Variants in PABPC4L observed in about 807,000 individuals in gnomAD.
PABPC4L encodes the protein polyadenylate-binding protein 4-like.
For missense variants in PABPC4L, 452 were observed against 451.4 expected, an observed-to-expected ratio of 1.00 and a Z score of -0.01; for synonymous variants, 169 against 164.1, an observed-to-expected ratio of 1.03 and a Z score of -0.23.
the PABPC4L span, among the ~76,000 whole-genome samples, chr4:133,963,061 G>A: frequency 1.3e-5 from 2 of 152,078 alleles, no homozygotes; most frequent in Non-Finnish European, 2.9e-5. Flanking sequence ...GAATGGATAA[G>A]AATTCACCAA....
the PABPC4L span, among the ~76,000 whole-genome samples, chr4:133,984,068 C>T: frequency 5.3e-5 from 8 of 151,818 alleles, 1 homozygote; most frequent in Admixed American, 4.6e-4. Context: ...GAAGTTAAAT[C>T]ATATTGTATT....
chr4:133,949,052 A>C, the PABPC4L span, among the ~76,000 whole-genome samples: 1 of 152,228 alleles, frequency 6.6e-6, no homozygotes, highest in African/African-American at 2.4e-5. Context: ...TCCTGGTCTA[A>C]AGTAGCTAGT....
chr4:134,090,788 G>T, the PABPC4L span, among the ~76,000 whole-genome samples: 1 of 151,680 alleles, frequency 6.6e-6, no homozygotes, highest in Non-Finnish European at 1.5e-5. Flanking sequence ...AAGGTGGGAG[G>T]GGTTGCTGCC....
the PABPC4L span, among the ~76,000 whole-genome samples, chr4:134,154,264 T>C: frequency 6.6e-6 from 1 of 152,130 alleles, no homozygotes; most frequent in Non-Finnish European, 1.5e-5. Context: ...GAGATCAGCC[T>C]GGGCAACACG....
chr4:134,190,535 T>A, the PABPC4L span, among the ~76,000 whole-genome samples: 1 of 152,110 alleles, frequency 6.6e-6, no homozygotes, highest in Non-Finnish European at 1.5e-5. Flanking sequence ...TCTTCAACAT[T>A]TTCTTTTCTA....
the PABPC4L span, among the ~76,000 whole-genome samples, chr4:134,034,160 A>G: frequency 6.6e-6 from 1 of 151,956 alleles, no homozygotes; most frequent in Non-Finnish European, 1.5e-5. Context: ...TGCAAAGTCT[A>G]CCTTGCCTGT....
At chr4:134,006,503 A>G in the PABPC4L span, among the ~76,000 whole-genome samples, 2 of 151,868 alleles carry the variant, frequency 1.3e-5, no homozygotes, top group African/African-American at 4.8e-5. Context: ...CTAGAAAGTG[A>G]GTGGGCAGCC....
chr4:133,961,564 A>T, the PABPC4L span, among the ~76,000 whole-genome samples: 2 of 152,182 alleles, frequency 1.3e-5, no homozygotes, highest in Non-Finnish European at 1.5e-5. Flanking sequence ...AATGGTCAGG[A>T]TATAAACCCC....
the PABPC4L span, among the ~76,000 whole-genome samples, chr4:134,095,560 T>A: frequency 6.6e-6 from 1 of 152,002 alleles, no homozygotes; most frequent in Non-Finnish European, 1.5e-5. Context: ...TGATCACATA[T>A]TGCATCCTTG....
the PABPC4L span, among the ~76,000 whole-genome samples, chr4:134,185,025 C>T: frequency 1.3e-5 from 2 of 151,938 alleles, no homozygotes; most frequent in African/African-American, 2.4e-5. Flanking sequence ...AATTCACTTG[C>T]TTATTGTTGA....
chr4:134,167,264 T>G, the PABPC4L span, among the ~76,000 whole-genome samples: 2 of 152,076 alleles, frequency 1.3e-5, no homozygotes, highest in East Asian at 3.9e-4. Flanking sequence ...TATGCCACTC[T>G]AGTGGGGATA....
At chr4:133,953,526 A>C in the PABPC4L span, among the ~76,000 whole-genome samples, 1 of 152,158 alleles carries the variant, frequency 6.6e-6, no homozygotes. Context: ...CTAATCTTGA[A>C]CATTTTCTTA....
At chr4:134,162,851 A>G in the PABPC4L span, among the ~76,000 whole-genome samples, 2 of 152,132 alleles carry the variant, frequency 1.3e-5, no homozygotes, top group Non-Finnish European at 2.9e-5. Context: ...GACCTCTGGG[A>G]TACAGCAAAA....
At chr4:134,032,927 C>G in the PABPC4L span, among the ~76,000 whole-genome samples, 2 of 151,388 alleles carry the variant, frequency 1.3e-5, no homozygotes, top group Non-Finnish European at 3.0e-5. Context: ...CAAATACTGA[C>G]TGGTTAGGAT....
the PABPC4L span, among the ~76,000 whole-genome samples, chr4:133,960,794 C>T: frequency 6.4e-4 from 97 of 152,136 alleles, 2 homozygotes; most frequent in East Asian, 0.018. Flanking sequence ...CTGTGGCTTC[C>T]TCCCACTTCC....
chr4:134,006,268 T>C, the PABPC4L span, among the ~76,000 whole-genome samples: 279 of 151,974 alleles, frequency 1.8e-3, no homozygotes, highest in African/African-American at 6.4e-3. Context: ...TTTTTTCTGT[T>C]TTTAAGCTAG....
At chr4:134,158,169 A>C in the PABPC4L span, among the ~76,000 whole-genome samples, 1 of 151,940 alleles carries the variant, frequency 6.6e-6, no homozygotes. Flanking sequence ...TTGAAGTAAT[A>C]TCTTTCACTC....
rs2125708326 is a variant in PABPC4L at position 134,198,168 on chromosome 4, C to T, written c.*1739G>A. 1 of 151,494 alleles carries T rather than the reference C, an allele frequency of 6.6e-6. No homozygotes were observed. Among genetic ancestry groups the T allele is most frequent in the Non-Finnish European group, 1.5e-5 (1 of 67,572 alleles). The allele number at this position is 151,494 out of a possible 1,614,324, so 9.4% of individuals were successfully genotyped here. On this transcript the variant is annotated 3_prime_UTR_variant, in exon 2 of 2. Coordinates refer to ENST00000421491, the MANE Select transcript of PABPC4L (RefSeq NM_001114734.2). ...AATTATTGTGAGCATAAAAGTTGAC[C>T]ATAGCATATTGTTTAAGAAAGCAAT...
At chr4:133,993,131 G>C in the PABPC4L span, among the ~76,000 whole-genome samples, 1 of 152,096 alleles carries the variant, frequency 6.6e-6, no homozygotes, top group Admixed American at 6.5e-5. Flanking sequence ...GTTTTAGAAA[G>C]TGTTTTTCTA....
Sources: allele counts gnomAD v4.1 joint callset (sites outside exome capture counted in the v4.1 genomes callset), GRCh38; gene constraint gnomAD v4.1.1; transcripts MANE v1.5; gene names NCBI Gene and HGNC (gene_info 2026-07-23, HGNC 2026-07-21).